Variants in CLIC5 observed in about 807,000 individuals in gnomAD.
CLIC5 encodes CLIC family member 5.
In CLIC5, 20 loss-of-function variants were observed where a neutral mutation model predicts 24.7. The observed-to-expected ratio is 0.81, with a 90% CI of 0.57 to 1.18. The LOEUF (loss-of-function observed/expected upper bound fraction) is 1.18. CLIC5 is among the 50% of genes most tolerant of loss of function. The pLI, the probability that CLIC5 is intolerant of heterozygous loss-of-function variation, is 0.00. For missense variants in CLIC5, 341 were observed against 326.1 expected, an observed-to-expected ratio of 1.05 and a Z score of -0.35; for synonymous variants, 159 against 135.6, an observed-to-expected ratio of 1.17 and a Z score of -1.20.
intron 4 of CLIC5, among the ~76,000 whole-genome samples, chr6:45,921,073 G>C (rs1322946543): frequency 6.6e-6 from 1 of 152,174 alleles, no homozygotes; most frequent in African/African-American, 2.4e-5. Flanking sequence ...GGTTATATGA[G>C]TATGAATGAC....
intron 1 of CLIC5, among the ~76,000 whole-genome samples, chr6:46,037,480 A>T (rs1328875088): frequency 6.6e-6 from 1 of 152,224 alleles, no homozygotes; most frequent in Non-Finnish European, 1.5e-5. Flanking sequence ...TGGTTTGCTG[A>T]ACCAAGTTAC....
At chr6:45,921,016 G>C (rs2127326652) in intron 4 of CLIC5, among the ~76,000 whole-genome samples, 1 of 152,232 alleles carries the variant, frequency 6.6e-6, no homozygotes, top group Non-Finnish European at 1.5e-5. Flanking sequence ...TTTTTTCTCA[G>C]TTGCCAAAGT....
chr6:46,128,689 C>T, the CLIC5 span, among the ~76,000 whole-genome samples: 1 of 152,270 alleles, frequency 6.6e-6, no homozygotes, highest in Non-Finnish European at 1.5e-5. Flanking sequence ...CATGATTGCT[C>T]TGCTGGTGAG....
chr6:45,952,559 C>A (rs1420949265), intron 2 of CLIC5, among the ~76,000 whole-genome samples: 1 of 152,168 alleles, frequency 6.6e-6, no homozygotes, highest in Non-Finnish European at 1.5e-5. Flanking sequence ...CTGAAAAGTT[C>A]AAGATTATTC....
At chr6:46,096,494 G>T in the CLIC5 span, among the ~76,000 whole-genome samples, 1 of 152,198 alleles carries the variant, frequency 6.6e-6, no homozygotes, top group African/African-American at 2.4e-5. Flanking sequence ...AGGTTTGACT[G>T]GGATTACAGA....
chr6:45,915,591 C>A (rs1644602782), intron 4 of CLIC5, among the ~76,000 whole-genome samples: 1 of 152,124 alleles, frequency 6.6e-6, no homozygotes, highest in South Asian at 2.1e-4. Context: ...AAATGTGCAA[C>A]CCCCAGCTGC....
the CLIC5 span, among the ~76,000 whole-genome samples, chr6:46,103,268 T>C: frequency 5.3e-5 from 8 of 152,188 alleles, no homozygotes; most frequent in Non-Finnish European, 1.2e-4. Context: ...AAATAGCGAC[T>C]GAAGGAAATA....
chr6:45,989,336 A>T (rs1765849508), intron 1 of CLIC5, among the ~76,000 whole-genome samples: 1 of 152,170 alleles, frequency 6.6e-6, no homozygotes, highest in South Asian at 2.1e-4. Flanking sequence ...GAGCTCTATA[A>T]ATATTCTCAT....
intron 1 of CLIC5, among the ~76,000 whole-genome samples, chr6:45,992,463 C>A (rs1443330935): frequency 6.6e-6 from 1 of 152,110 alleles, no homozygotes; most frequent in Non-Finnish European, 1.5e-5. Context: ...AAAACAAATC[C>A]TTCACGGAGA....
chr6:45,953,738 A>G (rs990981279), intron 2 of CLIC5, among the ~76,000 whole-genome samples: 3 of 152,188 alleles, frequency 2.0e-5, no homozygotes, highest in African/African-American at 4.8e-5. Flanking sequence ...TTAGAATCAC[A>G]TAAAGGATGG....
intron 1 of CLIC5, among the ~76,000 whole-genome samples, chr6:45,957,599 A>G (rs544713747): frequency 6.6e-6 from 1 of 152,288 alleles, no homozygotes; most frequent in South Asian, 2.1e-4. Flanking sequence ...CCAGGAGCAT[A>G]GGGCATGGTA....
intron 6 of CLIC5, among the ~76,000 whole-genome samples, chr6:45,889,322 C>T (rs768279055): frequency 5.3e-5 from 8 of 152,084 alleles, no homozygotes; most frequent in African/African-American, 1.9e-4. Flanking sequence ...GGCATTAATC[C>T]TATTCCTGAG....
In CLIC5 at chr6:45,955,167, GA is replaced by G. The variant is rs1764602453; in HGVS notation, c.140del (p.Val47AlafsTer10). On this transcript the variant is annotated frameshift_variant, in exon 2 of 6. Coordinates refer to ENST00000339561, the MANE Select transcript of CLIC5 (RefSeq NM_016929.5). LOFTEE classifies it high-confidence loss of function. ...GATCCACAGTGGTGACATTGAACAC[GA>G]CTCCTTTCAGCCAGAGGATCATGAA... ...RLFMILWLKG[V>X]VFNVTTVDLK... 1 of 1,613,638 alleles carries G rather than the reference GA, an allele frequency of 6.2e-7. No homozygotes were observed. The highest frequency in any genetic ancestry group is 8.5e-7 in the Non-Finnish European group (1 of 1,179,710).
intron 1 of CLIC5, among the ~76,000 whole-genome samples, chr6:45,991,757 T>C (rs769346475): frequency 2.0e-5 from 3 of 151,232 alleles, no homozygotes; most frequent in Non-Finnish European, 1.5e-5. Flanking sequence ...CATCTGGGAG[T>C]GGGTATGTGT....
chr6:45,941,872 G>C (rs915656880), intron 3 of CLIC5, among the ~76,000 whole-genome samples: 6 of 152,106 alleles, frequency 3.9e-5, no homozygotes, highest in African/African-American at 1.4e-4. Context: ...ATCTGCCTAG[G>C]GTGACACAGT....
chr6:45,922,448 A>T (rs1450937456), intron 4 of CLIC5, among the ~76,000 whole-genome samples: 1 of 152,178 alleles, frequency 6.6e-6, no homozygotes, highest in Non-Finnish European at 1.5e-5. Context: ...GCATCTTTTT[A>T]TTTAATACAG....
intron 1 of CLIC5, among the ~76,000 whole-genome samples, chr6:45,957,043 C>T (rs1764668630): frequency 6.6e-6 from 1 of 151,896 alleles, no homozygotes; most frequent in Admixed American, 6.6e-5. Flanking sequence ...TAAGACATCC[C>T]GACACAGGAA....
intron 1 of CLIC5, among the ~76,000 whole-genome samples, chr6:45,979,146 C>T (rs1581818426): frequency 6.6e-6 from 1 of 152,100 alleles, no homozygotes; most frequent in African/African-American, 2.4e-5. Flanking sequence ...TTTACCTCCT[C>T]TGAGCTTTGT....
chr6:46,016,302 C>T (rs1767007837), upstream of CLIC5, among the ~76,000 whole-genome samples: 3 of 152,302 alleles, frequency 2.0e-5, no homozygotes, highest in South Asian at 6.2e-4. Flanking sequence ...AGTTACTCCA[C>T]TACCAGCCTT....
Sources: allele counts gnomAD v4.1 joint callset (sites outside exome capture counted in the v4.1 genomes callset), GRCh38; gene constraint gnomAD v4.1.1; transcripts MANE v1.5; gene names NCBI Gene and HGNC (gene_info 2026-07-23, HGNC 2026-07-21).